GGA2: variants seen among roughly 807,000 people sequenced by gnomAD.
The protein encoded by GGA2 is golgi associated, gamma adaptin ear containing, ARF binding protein 2.
In GGA2, 48 loss-of-function variants were observed where a neutral mutation model predicts 79.5. The ratio of observed to expected loss-of-function variants is 0.60; its 90% CI spans 0.48 to 0.77. The LOEUF (loss-of-function observed/expected upper bound fraction) is 0.77, where lower values mean the gene tolerates loss of function less well. GGA2 is among the 30% of genes least tolerant of loss of function. GGA2 has a pLI of 0.00. For synonymous variants in GGA2, 317 were observed against 302.0 expected, an observed-to-expected ratio of 1.05 and a Z score of -0.51; for missense variants, 770 against 774.0, an observed-to-expected ratio of 0.99 and a Z score of 0.06.
chr16:23,514,827 A>G (rs145948178), upstream of GGA2, among the ~76,000 whole-genome samples: 1,584 of 152,232 alleles, frequency 0.01, 22 homozygotes, highest in Non-Finnish European at 0.014. Context: ...CACAACATCT[A>G]GATCAATGGT....
intron 1 of GGA2, among the ~76,000 whole-genome samples, chr16:23,507,559 C>T (rs1035845081): frequency 3.3e-5 from 5 of 152,054 alleles, no homozygotes; most frequent in African/African-American, 7.2e-5. Context: ...ACCTGGGAGG[C>T]GGACGTTGCA....
chr16:23,500,752 G>A (rs1396129767), intron 1 of GGA2, among the ~76,000 whole-genome samples: 1 of 152,274 alleles, frequency 6.6e-6, no homozygotes, highest in Non-Finnish European at 1.5e-5. Context: ...CCCCACTGCT[G>A]TGGAGCCTGC....
chr16:23,513,837 A>G (rs1321450993), upstream of GGA2, among the ~76,000 whole-genome samples: 2 of 151,966 alleles, frequency 1.3e-5, no homozygotes, highest in African/African-American at 4.8e-5. Flanking sequence ...AGAAAAAAAA[A>G]GCAATTATCT....
chr16:23,513,644 G>A (rs1057466090), upstream of GGA2, among the ~76,000 whole-genome samples: 6 of 151,922 alleles, frequency 3.9e-5, no homozygotes, highest in African/African-American at 1.4e-4. Flanking sequence ...AATTAGCTGG[G>A]TGTGCTGGTG....
intron 2 of GGA2, among the ~76,000 whole-genome samples, chr16:23,516,964 GGA>G (rs1189221416): frequency 1.3e-5 from 2 of 149,816 alleles, no homozygotes; most frequent in African/African-American, 2.5e-5. Context: ...CCAGGAGGGT[GGA>G]GAGAGAGAAG....
At chr16:23,510,760 CCA>C (rs1965038627), upstream of GGA2, among the ~76,000 whole-genome samples, 1 of 152,166 alleles carries the variant, frequency 6.6e-6, no homozygotes, top group Non-Finnish European at 1.5e-5. Flanking sequence ...AGGCTGGAGT[CCA>C]ATGGCGCGAT....
intron 14 of GGA2, among the ~76,000 whole-genome samples, chr16:23,471,662 G>C (rs1964512937): frequency 6.6e-6 from 1 of 152,136 alleles, no homozygotes. Flanking sequence ...CTACTCAGGA[G>C]GCTGAAATGG....
At chr16:23,520,428 C>G (rs887905428) in intron 1 of GGA2, among the ~76,000 whole-genome samples, 4 of 152,062 alleles carry the variant, frequency 2.6e-5, no homozygotes, top group African/African-American at 7.2e-5. Context: ...GTGCCCTTCA[C>G]TGCTGCACTA....
intron 1 of GGA2, among the ~76,000 whole-genome samples, chr16:23,497,624 C>T (rs570450298): frequency 4.3e-4 from 66 of 152,242 alleles, no homozygotes; most frequent in African/African-American, 1.5e-3. Flanking sequence ...TCCCATGTTC[C>T]GTATCTTAAA....
intron 8 of GGA2, among the ~76,000 whole-genome samples, chr16:23,484,376 C>T (rs1363032088): frequency 6.6e-6 from 1 of 152,100 alleles, no homozygotes; most frequent in African/African-American, 2.4e-5. Context: ...TGAGATCACG[C>T]AATTGCACTC....
intron 1 of GGA2, among the ~76,000 whole-genome samples, chr16:23,499,079 A>G (rs1964890247): frequency 1.3e-5 from 2 of 151,986 alleles, no homozygotes; most frequent in Admixed American, 6.6e-5. Flanking sequence ...CCCCTCACAG[A>G]ATCCAGAGCC....
chr16:23,469,118 G>A (rs896102657), intron 15 of GGA2, 122 bp from the exon 16 acceptor site: 16 of 625,446 alleles, frequency 2.6e-5, no homozygotes, highest in Middle Eastern at 4.2e-4. Context: ...CCTCTTAAAC[G>A]TGGTACCCCG....
chr16:23,522,024 T>TA (rs1461886479), upstream of GGA2: 2 of 334,920 alleles, frequency 6.0e-6, no homozygotes, highest in Non-Finnish European at 1.2e-5. Context: ...CATAGTGTTA[T>TA]AAAAAAAATT....
upstream of GGA2, chr16:23,522,652 G>GC (rs1189733703): frequency 6.6e-6 from 1 of 152,084 alleles, no homozygotes; most frequent in African/African-American, 2.4e-5. Context: ...CTCTGTAATC[G>GC]CCTTTCCACT....
chr16:23,483,060 C>A, intron 8 of GGA2, 56 bp from the exon 9 acceptor site: 1 of 1,119,068 alleles, frequency 8.9e-7, no homozygotes, highest in Middle Eastern at 2.4e-4. Flanking sequence ...TAACGCCCCC[C>A]TCCAGGGCCC....
intron 13 of GGA2, among the ~76,000 whole-genome samples, chr16:23,477,874 T>C (rs1300270001): frequency 6.6e-6 from 1 of 152,174 alleles, no homozygotes; most frequent in African/African-American, 2.4e-5. Flanking sequence ...GTCTTGGGTA[T>C]GTCTTTATCA....
At chr16:23,496,946 G>A (rs1296971268) in intron 1 of GGA2, among the ~76,000 whole-genome samples, 3 of 143,496 alleles carry the variant, frequency 2.1e-5, no homozygotes, top group Non-Finnish European at 4.5e-5. Flanking sequence ...AACAGAGCGA[G>A]ACTCCATCTA....
chr16:23,488,635 T>C lies in GGA2; in HGVS notation c.550A>G (p.Ile184Val), dbSNP rs369932812. ...PPPSPWPKSSIFDADEEKSKL... is the reference protein window; with the variant it reads ...PPPSPWPKSSVFDADEEKSKL... ...GACTTTTCTTCATCAGCATCAAAGA[T>C]GGAGCTCTTGGGCCAGGGAGATGGT... Residue 184 changes from isoleucine to valine, a missense_variant, in exon 6 of 17, where the codon ATC becomes GTC. Transcript: ENST00000309859. 13 of 1,608,080 alleles carry C rather than the reference T, an allele frequency of 8.1e-6. No individual in the cohort carries two copies. In the African/African-American group the frequency reaches 1.3e-4, roughly 17 times the overall value.
rs183901202 is a variant in GGA2 at position 23,471,412 on chromosome 16, G to A, written c.1451-1247C>T. 2.0e-5 allele frequency among the ~76,000 whole-genome samples: 3 copies of A among 151,920 alleles called. No homozygotes were observed. In the East Asian group the frequency reaches 5.8e-4, roughly 29 times the overall value. On this transcript the variant is annotated intron_variant, in intron 14 of 16. Coordinates refer to ENST00000309859, the MANE Select transcript of GGA2 (RefSeq NM_015044.4). ...AGACTGACCAATAAATTTAAAAAGG[G>A]GGGCAGGGCTATAGCAAATACTCAG...
Sources: allele counts gnomAD v4.1 joint callset (sites outside exome capture counted in the v4.1 genomes callset), GRCh38; gene constraint gnomAD v4.1.1; transcripts MANE v1.5; gene names NCBI Gene and HGNC (gene_info 2026-07-23, HGNC 2026-07-21).